Variants in GLIS3 observed in about 807,000 individuals in gnomAD.
The protein encoded by GLIS3 is zinc finger protein GLIS3.
Under a neutral mutation model 78.6 loss-of-function variants are expected in GLIS3, and 53 were observed. That is an observed-to-expected ratio of 0.67 (90% confidence interval 0.54 to 0.85). The LOEUF is 0.85. Among genes scored for constraint, GLIS3 ranks in the 40% least tolerant of loss-of-function variants. The pLI is 0.00. For synonymous variants in GLIS3, 684 were observed against 509.9 expected, an observed-to-expected ratio of 1.34 and a Z score of -4.60; for missense variants, 1,703 against 1,231.1, an observed-to-expected ratio of 1.38 and a Z score of -5.74.
At chr9:3,999,187 C>A (rs938547215) in intron 4 of GLIS3, among the ~76,000 whole-genome samples, 2 of 152,078 alleles carry the variant, frequency 1.3e-5, no homozygotes, top group Non-Finnish European at 2.9e-5. Context: ...TCTCTATAGT[C>A]GCAGATTTGA....
At chr9:4,458,374 A>G in the GLIS3 span, among the ~76,000 whole-genome samples, 25,370 of 152,166 alleles carry the variant, frequency 0.17, 2,570 homozygotes, top group Non-Finnish European at 0.22. Context: ...ATAATGAACA[A>G]ATGTACAAAT....
chr9:3,935,332 G>A (rs2130789111), intron 5 of GLIS3, among the ~76,000 whole-genome samples: 1 of 151,924 alleles, frequency 6.6e-6, no homozygotes, highest in African/African-American at 2.4e-5. Flanking sequence ...ATTTAATAGA[G>A]AAATAATTTT....
intron 4 of GLIS3, among the ~76,000 whole-genome samples, chr9:4,101,489 G>T (rs1830367748): frequency 6.6e-6 from 1 of 151,954 alleles, no homozygotes; most frequent in South Asian, 2.1e-4. Flanking sequence ...GTCTATTATT[G>T]CTACTAGTTG....
intron 7 of GLIS3, among the ~76,000 whole-genome samples, chr9:3,891,104 A>G (rs1352621392): frequency 6.7e-6 from 1 of 149,740 alleles, no homozygotes; most frequent in Admixed American, 6.7e-5. Flanking sequence ...AGTAGGAGGA[A>G]GAGGAGGAGG....
chr9:4,079,499 C>G (rs1346412980), intron 4 of GLIS3, among the ~76,000 whole-genome samples: 2 of 152,168 alleles, frequency 1.3e-5, no homozygotes, highest in African/African-American at 4.8e-5. Context: ...AAGATTCTCA[C>G]CTGCATGTCC....
the GLIS3 span, among the ~76,000 whole-genome samples, chr9:4,412,795 G>A: frequency 1.3e-5 from 2 of 152,086 alleles, no homozygotes; most frequent in Non-Finnish European, 2.9e-5. Context: ...AAAAATGAAT[G>A]TGCCATTTCC....
At chr9:3,953,789 CTCTCTCTATATA>C (rs758711587) in intron 4 of GLIS3, among the ~76,000 whole-genome samples, 536 of 45,444 alleles carry the variant, frequency 0.012, no homozygotes, top group Admixed American at 0.024. Context: ...CTCTCTCTCT[CTCTCTCTATATA>C]TATATATATA....
chr9:4,406,111 A>G, the GLIS3 span, among the ~76,000 whole-genome samples: 1 of 152,242 alleles, frequency 6.6e-6, no homozygotes, highest in Non-Finnish European at 1.5e-5. Flanking sequence ...TAACACAGCC[A>G]GTATCATACC....
chr9:4,355,565 G>C, the GLIS3 span, among the ~76,000 whole-genome samples: 4 of 152,122 alleles, frequency 2.6e-5, no homozygotes, highest in African/African-American at 9.7e-5. Context: ...CATAGCCCAG[G>C]AACTGTAAGA....
chr9:4,107,052 G>C (rs568102698), intron 4 of GLIS3, among the ~76,000 whole-genome samples: 1 of 152,050 alleles, frequency 6.6e-6, no homozygotes, highest in Non-Finnish European at 1.5e-5. Flanking sequence ...GATTTAATAA[G>C]TTGAAAAGCA....
chr9:4,278,244 G>C (rs2130250689), intron 2 of GLIS3, among the ~76,000 whole-genome samples: 1 of 152,250 alleles, frequency 6.6e-6, no homozygotes, highest in Admixed American at 6.5e-5. Context: ...CCGTAGAAAA[G>C]GCTTACAAGC....
chr9:4,143,938 A>C (rs1834010527), intron 2 of GLIS3, among the ~76,000 whole-genome samples: 1 of 152,246 alleles, frequency 6.6e-6, no homozygotes, highest in Admixed American at 6.5e-5. Context: ...TTCTAGGATC[A>C]AGCCAGTGAG....
chr9:4,297,502 C>T (rs145412959), intron 1 of GLIS3, among the ~76,000 whole-genome samples: 106 of 152,336 alleles, frequency 7.0e-4, no homozygotes, highest in African/African-American at 2.5e-3. Context: ...CCTCTTCTCA[C>T]AAACTCCAGG....
At chr9:4,207,429 A>G (rs1819982273) in intron 2 of GLIS3, among the ~76,000 whole-genome samples, 1 of 152,238 alleles carries the variant, frequency 6.6e-6, no homozygotes, top group Non-Finnish European at 1.5e-5. Flanking sequence ...CAGGATTAAA[A>G]TGTGTATTTT....
chr9:4,304,167 T>C (rs1313670294), upstream of GLIS3, among the ~76,000 whole-genome samples: 1 of 152,250 alleles, frequency 6.6e-6, no homozygotes, highest in East Asian at 1.9e-4. Context: ...TGTATGTGTA[T>C]AATCATTTCA....
At chr9:4,313,423 T>C (rs777861789) in intron 2 of GLIS3, among the ~76,000 whole-genome samples, 15 of 152,168 alleles carry the variant, frequency 9.9e-5, no homozygotes, top group South Asian at 2.1e-4. Flanking sequence ...AGCTTCCATT[T>C]TTCAGAACCC....
the GLIS3 span, among the ~76,000 whole-genome samples, chr9:4,395,762 C>CTTT: frequency 7.2e-6 from 1 of 138,190 alleles, no homozygotes; most frequent in Admixed American, 6.9e-5. Context: ...TCACCATTTT[C>CTTT]TTTTTTCTTT....
intron 4 of GLIS3, among the ~76,000 whole-genome samples, chr9:4,020,980 T>C (rs956727177): frequency 6.6e-6 from 1 of 152,174 alleles, no homozygotes; most frequent in Non-Finnish European, 1.5e-5. Context: ...GTAGTCGGTC[T>C]TAGGGATTGA....
chr9:4,154,198 T>C (rs879798556), intron 2 of GLIS3, among the ~76,000 whole-genome samples: 2 of 152,168 alleles, frequency 1.3e-5, no homozygotes, highest in African/African-American at 2.4e-5. Context: ...CTGTATGTAA[T>C]TGGCCCAAAC....
Sources: allele counts gnomAD v4.1 joint callset (sites outside exome capture counted in the v4.1 genomes callset), GRCh38; gene constraint gnomAD v4.1.1; transcripts MANE v1.5; gene names NCBI Gene and HGNC (gene_info 2026-07-23, HGNC 2026-07-21).